Variants in PIAS4 observed in about 807,000 individuals in gnomAD.
PIAS4 encodes the protein protein inhibitor of activated STAT 4.
PIAS4 carries 7 observed loss-of-function variants against 58.0 expected under a neutral mutation model. That is an observed-to-expected ratio of 0.12 (90% CI 0.07 to 0.23). The LOEUF is 0.23. Among genes scored for constraint, PIAS4 ranks in the 10% least tolerant of loss-of-function variants. The pLI is 1.00. For synonymous variants in PIAS4, 364 were observed against 312.4 expected, an observed-to-expected ratio of 1.17 and a Z score of -1.74; for missense variants, 550 against 709.5, an observed-to-expected ratio of 0.78 and a Z score of 2.55.
Position 4,028,511 on chromosome 19 carries a change from A to G in PIAS4, c.583A>G (p.Ile195Val), listed in dbSNP as rs1313260537. The change falls in exon 5 of 11, where the codon ATC becomes GTC. Residue 195 changes from isoleucine to valine, a missense_variant and splice_region_variant. Physicochemically the swap from Ile to Val is conservative, Grantham distance 29. Coordinates refer to ENST00000262971, the MANE Select transcript of PIAS4 (RefSeq NM_015897.4). ...GVKAVQVVLR[I>V]CYSDTSCPQE... ...CCATGGTCCCTGTTGTCGTTGCAGA[A>G]TCTGTTACTCAGACACCAGCTGCCC... is the stretch of plus-strand genomic sequence containing the variant. 4 of 1,611,918 alleles carry G rather than the reference A, an allele frequency of 2.5e-6. No homozygotes were observed. In the Middle Eastern group the frequency reaches 4.9e-4, roughly 199 times the overall value.
chr19:4,036,386 A>G (rs2040286347), intron 9 of PIAS4, among the ~76,000 whole-genome samples: 1 of 133,268 alleles, frequency 7.5e-6, no homozygotes, highest in Non-Finnish European at 1.7e-5. Flanking sequence ...TCATACACAC[A>G]CACGTCTATA....
chr19:4,012,452 C>G (rs111315199), intron 1 of PIAS4, among the ~76,000 whole-genome samples: 9 of 152,038 alleles, frequency 5.9e-5, no homozygotes, highest in Non-Finnish European at 1.3e-4. Context: ...TTGGCGAGAC[C>G]GAAGGGAAAA....
At position 4,037,395 on chromosome 19, in the gene PIAS4, C is replaced by T. The variant is rs139844299; in HGVS notation, c.1164C>T (p.Ser388=). ...IIDGLLSKIL[S]ECEDADEIEY... ...CCAGGCTCCTCTCGAAGATCCTGAG[C>T]GAGTGTGAGGACGCCGACGAGATCG... is the stretch of plus-strand genomic sequence containing the variant. The change falls in exon 10 of 11, where the codon AGC becomes AGT. Residue 388 remains serine (S), a synonymous_variant. Coordinates refer to ENST00000262971, the MANE Select transcript of PIAS4 (RefSeq NM_015897.4). The surrounding 1 kb of genome is among the most constrained non-coding windows in gnomAD (Gnocchi z 5.8). 1.6e-5 allele frequency: 26 copies of T among 1,609,396 alleles called. No individual in the cohort carries two copies. The highest frequency in any genetic ancestry group is 1.7e-4 in the Middle Eastern group (1 of 6,028).
intron 2 of PIAS4, among the ~76,000 whole-genome samples, chr19:4,020,444 C>T (rs1213085266): frequency 2.0e-5 from 3 of 151,606 alleles, no homozygotes; most frequent in East Asian, 1.9e-4. Flanking sequence ...CCTGTCATCT[C>T]GTTGTCTCGT....
At position 4,036,516 on chromosome 19, in the gene PIAS4, C is replaced by G. The variant is rs909789160; in HGVS notation, c.1143-858C>G. ...CACCGTCATACAAACACACACACAT[C>G]TATACAGTCCACACCTGTTACATGC... On this transcript the variant is annotated intron_variant, in intron 9 of 10. Coordinates refer to ENST00000262971, the MANE Select transcript of PIAS4 (RefSeq NM_015897.4). 4.1e-5 allele frequency among the ~76,000 whole-genome samples: 6 copies of G among 146,146 alleles called. 1 individual carries two copies. Among genetic ancestry groups the G allele is most frequent in the African/African-American group, 1.6e-4 (6 of 37,698 alleles).
intron 2 of PIAS4, among the ~76,000 whole-genome samples, chr19:4,022,710 T>C (rs949732124): frequency 4.0e-4 from 60 of 151,656 alleles, no homozygotes; most frequent in Non-Finnish European, 5.7e-4. Flanking sequence ...GGAAACAGTC[T>C]CACTCTGTCG....
chr19:4,011,372 G>T (rs949250871), intron 1 of PIAS4, among the ~76,000 whole-genome samples: 4 of 152,248 alleles, frequency 2.6e-5, no homozygotes, highest in Admixed American at 6.5e-5. Flanking sequence ...GGCTTCTGCA[G>T]CCTGTTGAGG....
In PIAS4 at chr19:4,011,674, G is replaced by T. The variant is rs1347151185; in HGVS notation, c.28-1249G>T. ...AGGTGTGTTTGGTGTGGAGGTGTGG[G>T]GGGTGTGGAGGTGTGTGGGGTGTGG... On this transcript the variant is annotated intron_variant, in intron 1 of 10. Transcript: ENST00000262971. Among the ~76,000 whole-genome samples the T allele has an allele frequency of 5.4e-3, 621 of 113,954 alleles. 10 individuals carry two copies. The highest frequency in any genetic ancestry group is 0.016 in the African/African-American group (508 of 32,676). 74.8% of individuals were successfully genotyped at this position (113,954 alleles called of 152,430 possible). A position where few individuals can be genotyped will look rare whatever the true frequency, so the allele number is the denominator to read the frequency against.
intron 3 of PIAS4, 100 bp downstream of exon 3, chr19:4,024,220 C>T (rs540464886): frequency 4.7e-5 from 41 of 864,150 alleles, no homozygotes; most frequent in Non-Finnish European, 4.6e-5. Context: ...CTGCAGGCCT[C>T]GCTCGGGCTC....
At chr19:4,035,951 TAACACACACATACAGTCCACACCGTCATA>T (rs2040274523) in intron 9 of PIAS4, among the ~76,000 whole-genome samples, 2 of 87,678 alleles carry the variant, frequency 2.3e-5, no homozygotes, top group African/African-American at 3.8e-5. Context: ...GTCCACACCA[TAACACACACATACAGTCCACACCGTCATA>T]CACACACACA....
At position 4,026,444 on chromosome 19, in the gene PIAS4, TC is replaced by T. The variant is rs150710476; in HGVS notation, c.540-1701del. Among the ~76,000 whole-genome samples, 1,388 of 151,864 alleles carry T rather than the reference TC, an allele frequency of 9.1e-3. 5 individuals carry two copies. Among genetic ancestry groups the T allele is most frequent in the Non-Finnish European group, 0.016 (1,112 of 67,990 alleles). ...ACCCTGCCCATCCCACATTTCTTTT[TC>T]TTATGTCGAGATATGATTTGCATAC... On this transcript the variant is annotated intron_variant, in intron 3 of 10. Coordinates refer to ENST00000262971, the MANE Select transcript of PIAS4 (RefSeq NM_015897.4).
chr19:4,036,831 G>A (rs1011720303), intron 9 of PIAS4, among the ~76,000 whole-genome samples: 17 of 148,860 alleles, frequency 1.1e-4, no homozygotes, highest in Admixed American at 6.1e-4. Flanking sequence ...AGTCCACACC[G>A]TCACACACAC....
rs543096965 is a variant in PIAS4, at chr19:4,024,136, C to T, written c.539+16C>T. The T allele has an allele frequency of 1.7e-5, 27 of 1,595,322 alleles. No individual in the cohort carries two copies. Among genetic ancestry groups the T allele is most frequent in the South Asian group, 2.2e-5 (2 of 90,724 alleles). Reference sequence around the variant, plus strand: ...GGAACTCCAGGTGTGCGGCACCTCCCCCAGCCCAGCACCCCACCGCCCGCC... The same window carrying T: ...GGAACTCCAGGTGTGCGGCACCTCCTCCAGCCCAGCACCCCACCGCCCGCC... On this transcript the variant is annotated intron_variant, in intron 3 of 10. Transcript: ENST00000262971.
At chr19:4,030,800 C>T (rs2144934620) in intron 7 of PIAS4, among the ~76,000 whole-genome samples, 1 of 152,284 alleles carries the variant, frequency 6.6e-6, no homozygotes, top group South Asian at 2.1e-4. Flanking sequence ...ATCTTGAGGG[C>T]ACCTGGACAT....
intron 2 of PIAS4, among the ~76,000 whole-genome samples, chr19:4,016,881 T>C (rs887521721): frequency 3.9e-5 from 6 of 151,912 alleles, no homozygotes; most frequent in Admixed American, 2.0e-4. Context: ...AACCCGAGAA[T>C]GGTGGGCCCG....
rs762074960 is a variant in PIAS4, at chr19:4,028,200, G to A, written c.581+13G>A. On this transcript the variant is annotated intron_variant, in intron 4 of 10. Transcript: ENST00000262971. ...AGGTCGTCCTGAGGTATGCCCAGGT[G>A]TGCCCGCGACCCCAGGGCTGGACCC... The A allele has an allele frequency of 6.2e-7, 1 of 1,609,034 alleles. No individual in the cohort carries two copies. Among genetic ancestry groups the A allele is most frequent in the Non-Finnish European group, 8.5e-7 (1 of 1,179,366 alleles).
chr19:4,016,805 G>C (rs1284071624), intron 2 of PIAS4, among the ~76,000 whole-genome samples: 3 of 152,196 alleles, frequency 2.0e-5, no homozygotes, highest in Non-Finnish European at 4.4e-5. Flanking sequence ...GGAGTTCATT[G>C]TGGCCAGAAC....
In PIAS4 at chr19:4,037,865, C is replaced by T. The variant is rs757524630; in HGVS notation, c.1523C>T (p.Pro508Leu). 4.5e-5 allele frequency: 70 copies of T among 1,565,978 alleles called. No homozygotes were observed. The highest frequency in any genetic ancestry group is 5.3e-5 in the Non-Finnish European group (62 of 1,159,524). The change falls in exon 11 of 11, where the codon CCG becomes CTG. Residue 508 changes from proline (P) to leucine (L), a missense_variant. By Grantham distance (98) the Pro-to-Leu change is moderately conservative. Around this residue, in one of 4 missense-constraint regions of PIAS4, gnomAD observed 188 missense variants for 192.0 expected, o/e 0.98. Coordinates refer to ENST00000262971, the MANE Select transcript of PIAS4 (RefSeq NM_015897.4). The surrounding 1 kb of genome is among the most constrained non-coding windows in gnomAD (Gnocchi z 5.8). ...RRCPFQKGLV[P>L]AC ...TGCCCCTTCCAGAAGGGCCTGGTGC[C>T]GGCCTGCTGACCCCGGCCGCACACT...
At chr19:4,024,200 G>A in intron 3 of PIAS4, 80 bp downstream of exon 3, 2 of 1,062,154 alleles carry the variant, frequency 1.9e-6, no homozygotes, top group Non-Finnish European at 2.9e-6. Context: ...AGAGCCGGCA[G>A]CCACGTCCAC....
Sources: gnomAD v4.1 joint callset for allele counts (sites outside exome capture counted in the v4.1 genomes callset) on GRCh38, gnomAD v4.1.1 for gene constraint, gnomAD v4.1.1 regional missense constraint, Gnocchi (gnomAD v3.1) non-coding constraint, MANE v1.5 for transcripts, NCBI Gene and HGNC (gene_info 2026-07-23, HGNC 2026-07-21) for gene names.